The following MYH15 variants were observed in gnomAD, a reference collection of about 807,000 sequenced individuals.
MYH15 encodes the protein myosin heavy chain 15, also known as myosin-15.
In MYH15, 227 loss-of-function variants were observed where a neutral mutation model predicts 240.5. That is an observed-to-expected ratio of 0.94 (90% CI 0.85 to 1.05). The LOEUF (loss-of-function observed/expected upper bound fraction) is 1.05, where lower values mean the gene tolerates loss of function less well. MYH15 is among the 50% of genes least tolerant of loss of function. The pLI is 0.00. For missense variants in MYH15, 2,217 were observed against 2,247.5 expected, an observed-to-expected ratio of 0.99 and a Z score of 0.27; for synonymous variants, 785 against 796.7, an observed-to-expected ratio of 0.99 and a Z score of 0.25.
At chr3:108,464,988 A>T (rs2083102712) in intron 14 of MYH15, among the ~76,000 whole-genome samples, 174 bp from the exon 15 acceptor site, 1 of 152,234 alleles carries the variant, frequency 6.6e-6, no homozygotes, top group African/African-American at 2.4e-5. Flanking sequence ...CTGCTACTTA[A>T]TAACGATACC....
Position 108,469,917 on chromosome 3 carries a change from T to C in MYH15, c.1554+125A>G, listed in dbSNP as rs879135140. The stretch of plus-strand genomic sequence containing the variant: ...GCACACAAACACCATTAAGATAAAA[T>C]GTGCAGGGCTTTCCGCCCCCATTTC... On this transcript the variant is annotated intron_variant, in intron 14 of 40. Transcript: ENST00000693548. 17 of 873,928 alleles carry C rather than the reference T, an allele frequency of 1.9e-5. No individual in the cohort carries two copies. The South Asian group carries it at 3.6e-4, about 18-fold the overall frequency. The allele number at this position is 873,928 out of a possible 1,614,324, so 54.1% of individuals were successfully genotyped here.
chr3:108,532,185 C>G (rs1559679585), upstream of MYH15, among the ~76,000 whole-genome samples: 2 of 151,766 alleles, frequency 1.3e-5, no homozygotes. Flanking sequence ...GAGTGGGCCA[C>G]AGGATGCTCA....
chr3:108,408,818 C>A (rs1376150719), intron 31 of MYH15, among the ~76,000 whole-genome samples: 1 of 152,186 alleles, frequency 6.6e-6, no homozygotes, highest in Non-Finnish European at 1.5e-5. Context: ...AACACTGCGA[C>A]AGGAACTTAA....
At chr3:108,393,211 T>C (rs1213674204) in intron 36 of MYH15, among the ~76,000 whole-genome samples, 1 of 152,204 alleles carries the variant, frequency 6.6e-6, no homozygotes. Context: ...ATCAGGGCTG[T>C]TGCATGTGGC....
upstream of MYH15, among the ~76,000 whole-genome samples, chr3:108,534,093 C>A (rs1038516298): frequency 6.6e-6 from 1 of 152,176 alleles, no homozygotes; most frequent in Non-Finnish European, 1.5e-5. Context: ...CATTTCTTGT[C>A]ATTAATCTAA....
At chr3:108,466,304 C>T (rs2083117036) in intron 14 of MYH15, among the ~76,000 whole-genome samples, 1 of 152,126 alleles carries the variant, frequency 6.6e-6, no homozygotes, top group Non-Finnish European at 1.5e-5. Context: ...ATTTATATAG[C>T]GCATAATTTT....
chr3:108,383,259 T>G (rs1172469400), intron 40 of MYH15, among the ~76,000 whole-genome samples: 1 of 152,222 alleles, frequency 6.6e-6, no homozygotes, highest in Non-Finnish European at 1.5e-5. Context: ...AGCCGATCCA[T>G]CTGTGCTTTT....
At chr3:108,422,726 A>G (rs980951748) in intron 27 of MYH15, among the ~76,000 whole-genome samples, 3 of 152,334 alleles carry the variant, frequency 2.0e-5, no homozygotes, top group South Asian at 2.1e-4. Flanking sequence ...GATTACACCA[A>G]TGAAATTTTG....
chr3:108,476,886 G>A (rs1441829242), intron 11 of MYH15, among the ~76,000 whole-genome samples: 1 of 152,102 alleles, frequency 6.6e-6, no homozygotes, highest in African/African-American at 2.4e-5. Context: ...GCAAAATGGT[G>A]TGTATTTGCC....
intron 13 of MYH15, 53 bp downstream of exon 13, chr3:108,470,645 T>C: frequency 1.9e-6 from 3 of 1,588,242 alleles, no homozygotes; most frequent in Non-Finnish European, 2.6e-6. Context: ...AAGTAACGTT[T>C]TCTAATCTTC....
At chr3:108,388,862 A>T (rs1178769682) in intron 38 of MYH15, 108 bp downstream of exon 38, 7 of 854,398 alleles carry the variant, frequency 8.2e-6, no homozygotes, top group Non-Finnish European at 9.3e-6. Flanking sequence ...GAGAACAAAG[A>T]TGAAGAGAGA....
chr3:108,397,882 C>T (rs1419966652), intron 35 of MYH15, among the ~76,000 whole-genome samples: 6 of 152,132 alleles, frequency 3.9e-5, no homozygotes, highest in Non-Finnish European at 8.8e-5. Flanking sequence ...GGTTCTGGAA[C>T]ATTAGGGAAT....
rs1349767358 is a variant in MYH15 at position 108,500,294 on chromosome 3, G to T, written c.340-20C>A. ...ATATGTCTGAGGGAAAATCAGAAAA[G>T]ATTTCAGAAACTAGATTAGAAATAC... On this transcript the variant is annotated intron_variant, in intron 3 of 40. Transcript: ENST00000693548. The T allele has an allele frequency of 4.4e-6, 7 of 1,590,850 alleles. No homozygotes were observed. The South Asian group carries it at 5.7e-5, about 13-fold the overall frequency.
intron 1 of MYH15, among the ~76,000 whole-genome samples, chr3:108,516,673 T>C (rs949025995): frequency 4.6e-5 from 7 of 152,322 alleles, no homozygotes; most frequent in South Asian, 2.1e-4. Context: ...GGTTAGTCTT[T>C]AGGCACACAT....
intron 27 of MYH15, among the ~76,000 whole-genome samples, chr3:108,423,416 T>C (rs1355016795): frequency 3.3e-5 from 5 of 152,220 alleles, no homozygotes; most frequent in Non-Finnish European, 1.5e-5. Context: ...AGAGATTCAA[T>C]GGCCAGTTTC....
At chr3:108,524,223 CT>C (rs1319284077) in intron 1 of MYH15, among the ~76,000 whole-genome samples, 6 of 151,892 alleles carry the variant, frequency 4.0e-5, no homozygotes, top group Non-Finnish European at 8.8e-5. Context: ...CCTTTTCATT[CT>C]TTATAACTTT....
chr3:108,533,966 A>G (rs1377517725), upstream of MYH15, among the ~76,000 whole-genome samples: 2 of 152,236 alleles, frequency 1.3e-5, no homozygotes, highest in Non-Finnish European at 2.9e-5. Flanking sequence ...ACAATGTATA[A>G]CCAAGTAGAT....
chr3:108,390,096 C>T (rs1475496922), intron 37 of MYH15, among the ~76,000 whole-genome samples: 3 of 152,214 alleles, frequency 2.0e-5, no homozygotes, highest in South Asian at 2.1e-4. Context: ...TTCTGTCTGT[C>T]GGGATGTGAG....
intron 12 of MYH15, among the ~76,000 whole-genome samples, chr3:108,472,173 C>T (rs1368889888): frequency 2.6e-5 from 4 of 152,192 alleles, no homozygotes; most frequent in Admixed American, 6.5e-5. Context: ...CTGGGGAGAG[C>T]GCCAACCTTT....
Sources: allele counts gnomAD v4.1 joint callset (sites outside exome capture counted in the v4.1 genomes callset), GRCh38; gene constraint gnomAD v4.1.1; transcripts MANE v1.5; gene names NCBI Gene and HGNC (gene_info 2026-07-23, HGNC 2026-07-21).